The following GSE1 variants were observed in gnomAD, a reference collection of about 807,000 sequenced individuals.
GSE1 encodes the protein Gse1 coiled-coil protein.
In GSE1, 32 loss-of-function variants were observed where a neutral mutation model predicts 112.6. The observed-to-expected ratio is 0.28, with a 90% CI of 0.21 to 0.38. The LOEUF is 0.38. Among genes scored for constraint, GSE1 ranks in the 10% least tolerant of loss-of-function variants. The pLI, the probability that GSE1 is intolerant of heterozygous loss-of-function variation, is 1.00. For synonymous variants in GSE1, 1,115 were observed against 735.6 expected (o/e 1.52, Z -8.35); for missense variants, 2,348 against 1,699.2 (o/e 1.38, Z -6.71).
intron 2 of GSE1, among the ~76,000 whole-genome samples, chr16:85,635,427 C>T (rs2049911415): frequency 1.3e-5 from 2 of 152,218 alleles, no homozygotes; most frequent in South Asian, 2.1e-4. Context: ...TGGGCCCCAC[C>T]TGTGTCAAGA....
At chr16:85,655,356 GAGA>G (rs1484822807) in intron 5 of GSE1, among the ~76,000 whole-genome samples, 1 of 152,228 alleles carries the variant, frequency 6.6e-6, no homozygotes, top group Non-Finnish European at 1.5e-5. Flanking sequence ...TGGGTCCGTG[GAGA>G]AGCTCTGCCC....
exon 1 of GSE1, chr16:85,171,514 C>T (rs2074358353): frequency 2.0e-6 from 2 of 985,616 alleles, no homozygotes; most frequent in Non-Finnish European, 2.4e-6. Flanking sequence ...GCATGAGGCC[C>T]GCAGCTCCCA....
chr16:85,237,641 A>G (rs1044124290), intron 1 of GSE1, among the ~76,000 whole-genome samples: 3 of 152,072 alleles, frequency 2.0e-5, no homozygotes, highest in African/African-American at 7.2e-5. Context: ...GATTGAGACC[A>G]TCTTGGCTAA....
chr16:85,388,413 T>TGGATAC (rs2047753429), intron 2 of GSE1, among the ~76,000 whole-genome samples: 1 of 123,864 alleles, frequency 8.1e-6, no homozygotes. Flanking sequence ...GATGGATGGA[T>TGGATAC]ACACAGGTGG....
chr16:85,291,853 C>T (rs181375342), intron 1 of GSE1, among the ~76,000 whole-genome samples: 1 of 152,340 alleles, frequency 6.6e-6, no homozygotes, highest in Non-Finnish European at 1.5e-5. Context: ...ACACTCGTCC[C>T]TCTCACCACA....
chr16:85,236,215 G>A (rs750021300), intron 1 of GSE1, among the ~76,000 whole-genome samples: 9 of 152,202 alleles, frequency 5.9e-5, no homozygotes, highest in Non-Finnish European at 8.8e-5. Flanking sequence ...TAGTACGGAG[G>A]GAGAAACTGA....
At chr16:85,313,759 GC>G in intron 1 of GSE1, among the ~76,000 whole-genome samples, 1 of 152,370 alleles carries the variant, frequency 6.6e-6, no homozygotes, top group African/African-American at 2.4e-5. Flanking sequence ...CCAAGGCCTG[GC>G]TTCTGCTCCC....
intron 1 of GSE1, among the ~76,000 whole-genome samples, chr16:85,279,954 A>G (rs1454524215): frequency 2.0e-5 from 3 of 152,164 alleles, no homozygotes; most frequent in Non-Finnish European, 4.4e-5. Context: ...TCCAGGGTTT[A>G]TCAGTGAAAT....
intron 1 of GSE1, among the ~76,000 whole-genome samples, chr16:85,620,247 A>G (rs1036615318): frequency 6.6e-6 from 1 of 152,144 alleles, no homozygotes; most frequent in African/African-American, 2.4e-5. Flanking sequence ...CTGTGATCGC[A>G]CCACTGCACC....
chr16:85,663,711 C>A, intron 11 of GSE1, 97 bp downstream of exon 11: 12 of 1,245,300 alleles, frequency 9.6e-6, no homozygotes, highest in Non-Finnish European at 1.2e-5. Flanking sequence ...GCAGGATCTG[C>A]GATCACTGAG....
At chr16:85,667,686 C>T (rs1166006969) in intron 13 of GSE1, among the ~76,000 whole-genome samples, 1 of 152,182 alleles carries the variant, frequency 6.6e-6, no homozygotes, top group Non-Finnish European at 1.5e-5. Context: ...TGGCGAAACC[C>T]TGTTTCTACT....
chr16:85,286,482 T>G (rs1470645580), intron 1 of GSE1, among the ~76,000 whole-genome samples: 6 of 152,214 alleles, frequency 3.9e-5, no homozygotes, highest in Non-Finnish European at 8.8e-5. Context: ...AAGGATGGTC[T>G]TCCAAATGTC....
At chr16:85,499,943 C>T (rs910109138) in intron 2 of GSE1, among the ~76,000 whole-genome samples, 1 of 152,208 alleles carries the variant, frequency 6.6e-6, no homozygotes, top group Non-Finnish European at 1.5e-5. Context: ...GACGTTTCTT[C>T]ATTTGGATTC....
At chr16:85,473,752 A>G (rs1295648939) in intron 2 of GSE1, among the ~76,000 whole-genome samples, 2 of 152,076 alleles carry the variant, frequency 1.3e-5, no homozygotes, top group Non-Finnish European at 2.9e-5. Flanking sequence ...CCAAGGACAG[A>G]TCATGGTCCT....
intron 6 of GSE1, 21 bp from the exon 7 acceptor site, chr16:85,656,322 A>T (rs1421700371): frequency 5.6e-6 from 9 of 1,609,390 alleles, no homozygotes; most frequent in Non-Finnish European, 7.6e-6. Flanking sequence ...CAGAGCCCCC[A>T]ACTCTTTCCA....
At chr16:85,170,729 G>T in exon 1 of GSE1, 1 of 985,584 alleles carries the variant, frequency 1.0e-6, no homozygotes, top group Non-Finnish European at 1.2e-6. Context: ...CCCTTCCTGT[G>T]GCTGCACAGC....
chr16:85,655,643 A>G lies in GSE1; in HGVS notation c.798-83A>G, dbSNP rs1217108586. ...TCCCCACGCTCAGGCAGGTGTGTGT[A>G]CCTGGCTGAGACACACCTGTCGACA... On this transcript the variant is annotated intron_variant, in intron 5 of 15. Coordinates refer to ENST00000253458, the MANE Select transcript of GSE1 (RefSeq NM_014615.5). The G allele has an allele frequency of 4.8e-6, 4 of 838,506 alleles. No individual in the cohort carries two copies. In the South Asian group the frequency reaches 6.7e-5, roughly 14 times the overall value. The allele number at this position is 838,506 out of a possible 1,614,324, so 51.9% of individuals were successfully genotyped here.
At chr16:85,186,671 C>A (rs2074709397) in intron 1 of GSE1, among the ~76,000 whole-genome samples, 2 of 150,598 alleles carry the variant, frequency 1.3e-5, no homozygotes, top group African/African-American at 2.5e-5. Flanking sequence ...AGTCAGGAGG[C>A]TGAGAATGGC....
At chr16:85,617,932 T>C (rs2048482040) in intron 1 of GSE1, among the ~76,000 whole-genome samples, 2 of 152,148 alleles carry the variant, frequency 1.3e-5, no homozygotes, top group Admixed American at 1.3e-4. Flanking sequence ...CAGGACGGCG[T>C]GGCACCTGTC....
Sources: allele counts gnomAD v4.1 joint callset (sites outside exome capture counted in the v4.1 genomes callset), GRCh38; gene constraint gnomAD v4.1.1; transcripts MANE v1.5; gene names NCBI Gene and HGNC (gene_info 2026-07-23, HGNC 2026-07-21).